Variants in PTPRT observed in about 807,000 individuals in gnomAD.
PTPRT encodes the protein receptor-type tyrosine-protein phosphatase T.
Under a neutral mutation model 176.8 loss-of-function variants are expected in PTPRT, and 56 were observed. The observed-to-expected ratio is 0.32, with a 90% CI of 0.26 to 0.40. The LOEUF (loss-of-function observed/expected upper bound fraction) is 0.40, where lower values mean the gene tolerates loss of function less well. PTPRT is among the 10% of genes least tolerant of loss of function. PTPRT has a pLI of 1.00. For synonymous variants in PTPRT, 783 were observed against 739.0 expected (o/e 1.06, Z -0.96); for missense variants, 1,540 against 1,908.2 (o/e 0.81, Z 3.60).
intron 2 of PTPRT, among the ~76,000 whole-genome samples, chr20:42,846,933 T>C (rs1009672399): frequency 1.3e-5 from 2 of 152,198 alleles, no homozygotes; most frequent in African/African-American, 4.8e-5. Context: ...GCAAACTCTG[T>C]CTCTACTCCT....
chr20:42,334,248 T>C (rs893260646), intron 11 of PTPRT, among the ~76,000 whole-genome samples: 1 of 152,138 alleles, frequency 6.6e-6, no homozygotes, highest in Non-Finnish European at 1.5e-5. Flanking sequence ...TGTGGGATGT[T>C]CAGCAGGATC....
chr20:42,331,621 G>T (rs571708914), intron 11 of PTPRT, among the ~76,000 whole-genome samples: 2 of 152,294 alleles, frequency 1.3e-5, no homozygotes, highest in South Asian at 2.1e-4. Flanking sequence ...ATGGGAAGAC[G>T]TAACCTACTG....
chr20:42,638,281 G>T (rs531094469), intron 7 of PTPRT, among the ~76,000 whole-genome samples: 156 of 152,202 alleles, frequency 1.0e-3, no homozygotes, highest in African/African-American at 3.4e-3. Flanking sequence ...GGGATAGACT[G>T]GGAAGCTTAT....
intron 16 of PTPRT, among the ~76,000 whole-genome samples, chr20:42,184,541 C>CTCCTCTTCTTCTTCTTCTTCT (rs1990661146): frequency 2.2e-5 from 2 of 91,624 alleles, no homozygotes; most frequent in African/African-American, 9.2e-5. Flanking sequence ...CTTCCTCTTC[C>CTCCTCTTCTTCTTCTTCTTCT]TCTTCTTCTT....
intron 12 of PTPRT, among the ~76,000 whole-genome samples, chr20:42,305,369 A>C (rs896353413): frequency 2.6e-4 from 39 of 148,258 alleles, no homozygotes; most frequent in African/African-American, 9.6e-4. Context: ...AAATAAAAGT[A>C]AAAAAAAAAA....
chr20:42,620,592 G>A (rs1322198763), intron 7 of PTPRT, among the ~76,000 whole-genome samples: 1 of 152,088 alleles, frequency 6.6e-6, no homozygotes. Flanking sequence ...CAGTCAGCGA[G>A]ATTCCGTGGG....
intron 2 of PTPRT, among the ~76,000 whole-genome samples, chr20:42,800,983 C>T (rs559704061): frequency 6.6e-6 from 1 of 152,268 alleles, no homozygotes; most frequent in South Asian, 2.1e-4. Context: ...GCAAGGTCGA[C>T]AGTGGGGAAT....
At chr20:42,416,264 C>T (rs1339758979) in intron 9 of PTPRT, among the ~76,000 whole-genome samples, 1 of 152,156 alleles carries the variant, frequency 6.6e-6, no homozygotes. Flanking sequence ...CCAAGGGTCA[C>T]TGCAGTTACC....
chr20:42,871,583 C>T (rs2078847027), intron 2 of PTPRT, among the ~76,000 whole-genome samples: 1 of 152,204 alleles, frequency 6.6e-6, no homozygotes, highest in Non-Finnish European at 1.5e-5. Context: ...TTTCTACCTA[C>T]ATTTTCTTCT....
chr20:42,599,155 G>A (rs926142834), intron 7 of PTPRT, among the ~76,000 whole-genome samples: 1 of 152,142 alleles, frequency 6.6e-6, no homozygotes, highest in South Asian at 2.1e-4. Flanking sequence ...AATAATGGGA[G>A]TAAGTGTCCA....
intron 1 of PTPRT, among the ~76,000 whole-genome samples, chr20:42,981,420 T>C (rs1427976267): frequency 1.3e-5 from 2 of 152,242 alleles, no homozygotes; most frequent in African/African-American, 4.8e-5. Context: ...CTTCCCACAC[T>C]GACTGTGGCC....
At chr20:42,164,915 G>A (rs1989762311) in intron 16 of PTPRT, among the ~76,000 whole-genome samples, 2 of 152,116 alleles carry the variant, frequency 1.3e-5, no homozygotes, top group African/African-American at 4.8e-5. Flanking sequence ...GCCTTCTTCT[G>A]ATTTATGGGT....
intron 7 of PTPRT, among the ~76,000 whole-genome samples, chr20:42,474,712 G>T (rs1488791141): frequency 6.6e-6 from 1 of 152,150 alleles, no homozygotes; most frequent in African/African-American, 2.4e-5. Flanking sequence ...CAGTTGTACC[G>T]ACTGCAATGA....
At chr20:42,772,740 C>T (rs1434351524) in intron 4 of PTPRT, among the ~76,000 whole-genome samples, 1 of 152,194 alleles carries the variant, frequency 6.6e-6, no homozygotes, top group Non-Finnish European at 1.5e-5. Flanking sequence ...GGAGGTTTAA[C>T]AGGAGGCTTT....
intron 7 of PTPRT, among the ~76,000 whole-genome samples, chr20:42,623,308 C>G (rs1184596640): frequency 6.6e-6 from 1 of 152,210 alleles, no homozygotes; most frequent in Admixed American, 6.5e-5. Context: ...TTAGAGACAA[C>G]CAGGGGGCCA....
At chr20:42,264,051 G>A (rs1018800217) in intron 13 of PTPRT, among the ~76,000 whole-genome samples, 8 of 152,122 alleles carry the variant, frequency 5.3e-5, no homozygotes, top group Admixed American at 6.5e-5. Flanking sequence ...CTGAAGATGA[G>A]GAAAAAGAGA....
At chr20:42,104,454 G>C (rs925045785) in intron 25 of PTPRT, 115 bp downstream of exon 25, 1 of 1,213,976 alleles carries the variant, frequency 8.2e-7, no homozygotes, top group African/African-American at 1.6e-5. Context: ...GGGCTTCTCA[G>C]CCTCCAGAAA....
At chr20:42,866,367 C>G (rs534188846) in intron 2 of PTPRT, among the ~76,000 whole-genome samples, 9 of 152,182 alleles carry the variant, frequency 5.9e-5, no homozygotes, top group African/African-American at 1.7e-4. Context: ...AGAATAGGCA[C>G]CTGACTCCAC....
At chr20:42,688,750 T>A (rs1301735696) in intron 6 of PTPRT, among the ~76,000 whole-genome samples, 1 of 152,192 alleles carries the variant, frequency 6.6e-6, no homozygotes, top group Non-Finnish European at 1.5e-5. Flanking sequence ...CACAGTGAGC[T>A]GATGCCCCAC....
Sources: gnomAD v4.1 joint callset for allele counts (sites outside exome capture counted in the v4.1 genomes callset) on GRCh38, gnomAD v4.1.1 for gene constraint, MANE v1.5 for transcripts, NCBI Gene and HGNC (gene_info 2026-07-23, HGNC 2026-07-21) for gene names.